The following EPHA3 variants were observed in gnomAD, a reference collection of about 807,000 sequenced individuals.
The protein encoded by EPHA3 is ephrin type-A receptor 3.
EPHA3 carries 42 observed loss-of-function variants against 107.1 expected under a neutral mutation model. The ratio of observed to expected loss-of-function variants is 0.39; its 90% CI spans 0.31 to 0.51. The LOEUF is 0.51. Among genes scored for constraint, EPHA3 ranks in the 20% least tolerant of loss-of-function variants. The pLI is 0.78. For missense variants in EPHA3, 1,183 were observed against 1,211.2 expected, an observed-to-expected ratio of 0.98 and a Z score of 0.35; for synonymous variants, 461 against 424.8, an observed-to-expected ratio of 1.09 and a Z score of -1.05.
chr3:89,408,314 T>A (rs575774484), intron 9 of EPHA3, among the ~76,000 whole-genome samples, 183 bp downstream of exon 9: 2 of 152,148 alleles, frequency 1.3e-5, no homozygotes, highest in Admixed American at 6.6e-5. Context: ...AAATAATTTT[T>A]ACATGTGTAC....
chr3:89,169,610 G>T (rs964363017), intron 2 of EPHA3, among the ~76,000 whole-genome samples: 1 of 152,124 alleles, frequency 6.6e-6, no homozygotes, highest in Non-Finnish European at 1.5e-5. Flanking sequence ...TGACCATACA[G>T]TGTTTTTGTG....
At chr3:89,204,872 G>T (rs1036627209) in intron 2 of EPHA3, among the ~76,000 whole-genome samples, 59 of 152,094 alleles carry the variant, frequency 3.9e-4, no homozygotes, top group Non-Finnish European at 7.6e-4. Context: ...AATAAAAAAC[G>T]TGAGTGGAGA....
chr3:89,178,497 T>A (rs182382029), intron 2 of EPHA3, among the ~76,000 whole-genome samples: 1 of 152,180 alleles, frequency 6.6e-6, no homozygotes, highest in Admixed American at 6.6e-5. Context: ...AAAGAAATTC[T>A]TGTTCTGAAT....
chr3:89,347,897 A>G (rs1576326331), intron 5 of EPHA3, among the ~76,000 whole-genome samples: 1 of 151,090 alleles, frequency 6.6e-6, no homozygotes, highest in East Asian at 1.9e-4. Flanking sequence ...CTTTGGCTCT[A>G]TTTATATGCT....
chr3:89,231,632 G>A (rs1432403534), intron 3 of EPHA3, among the ~76,000 whole-genome samples: 1 of 152,102 alleles, frequency 6.6e-6, no homozygotes, highest in Admixed American at 6.6e-5. Flanking sequence ...TAGGTTTGGG[G>A]CAGGGCCTGA....
At chr3:89,168,156 A>AT (rs1368398467) in intron 2 of EPHA3, among the ~76,000 whole-genome samples, 1 of 152,174 alleles carries the variant, frequency 6.6e-6, no homozygotes, top group Non-Finnish European at 1.5e-5. Context: ...CTTGAGGTAA[A>AT]TTATGCATAA....
intron 3 of EPHA3, among the ~76,000 whole-genome samples, chr3:89,275,905 C>A (rs1217940992): frequency 6.6e-6 from 1 of 151,974 alleles, no homozygotes. Flanking sequence ...GAATGCAATG[C>A]AATGCAATAC....
chr3:89,227,938 C>T (rs866152037), intron 3 of EPHA3, among the ~76,000 whole-genome samples: 22 of 151,872 alleles, frequency 1.4e-4, no homozygotes, highest in Middle Eastern at 3.2e-3. Flanking sequence ...GTTCCTTTCA[C>T]CAAGGTACAT....
At chr3:89,318,101 C>T (rs1706951600) in intron 3 of EPHA3, among the ~76,000 whole-genome samples, 1 of 151,772 alleles carries the variant, frequency 6.6e-6, no homozygotes, top group Non-Finnish European at 1.5e-5. Context: ...ACTTCCATGA[C>T]CCAGTCAGAT....
At chr3:89,151,872 C>T (rs1704697258) in intron 2 of EPHA3, among the ~76,000 whole-genome samples, 1 of 151,972 alleles carries the variant, frequency 6.6e-6, no homozygotes, top group Non-Finnish European at 1.5e-5. Flanking sequence ...ACCTGAAGCT[C>T]AAGTAAGAAA....
intron 15 of EPHA3, among the ~76,000 whole-genome samples, chr3:89,453,032 C>T (rs1232948282): frequency 6.6e-6 from 1 of 152,052 alleles, no homozygotes; most frequent in African/African-American, 2.4e-5. Context: ...CTACCCATAA[C>T]TTATTCCATA....
chr3:89,480,371 A>G lies in EPHA3; in HGVS notation c.*869A>G, dbSNP rs1576400881. ...CAAATCTCTCAAATCTGTTATCCCA[A>G]TCATTGTTGCCTCTCCGTTTATTAT... is the stretch of plus-strand genomic sequence containing the variant. On this transcript the variant is annotated 3_prime_UTR_variant, in exon 17 of 17. Coordinates refer to ENST00000336596, the MANE Select transcript of EPHA3 (RefSeq NM_005233.6). 4.3e-6 allele frequency: 1 copy of G among 233,224 alleles called. No homozygotes were observed. Among genetic ancestry groups the G allele is most frequent in the East Asian group, 6.1e-5 (1 of 16,456 alleles). The allele number at this position is 233,224 out of a possible 1,614,324, so 14.4% of individuals were successfully genotyped here.
chr3:89,217,957 A>ATT (rs1386831425), intron 3 of EPHA3, among the ~76,000 whole-genome samples: 4 of 152,106 alleles, frequency 2.6e-5, no homozygotes, highest in African/African-American at 9.7e-5. Context: ...GGAGAGGAAA[A>ATT]TTTGTATTTC....
intron 2 of EPHA3, among the ~76,000 whole-genome samples, chr3:89,154,274 T>G (rs6804206): frequency 0.94 from 139,919 of 148,342 alleles, 66,014 homozygotes; most frequent in Admixed American, 0.97. Flanking sequence ...TTGTTTGTTT[T>G]TTTTTTTTTT....
At chr3:89,374,892 G>T (rs976061455) in intron 5 of EPHA3, among the ~76,000 whole-genome samples, 6 of 151,652 alleles carry the variant, frequency 4.0e-5, no homozygotes, top group African/African-American at 2.4e-5. Context: ...TTGAAAAAAA[G>T]TAATGCCACT....
chr3:89,453,991 T>C (rs1710048897), intron 15 of EPHA3, among the ~76,000 whole-genome samples: 1 of 152,162 alleles, frequency 6.6e-6, no homozygotes, highest in Non-Finnish European at 1.5e-5. Context: ...TTTTTTTCTG[T>C]AGGATCATTG....
intron 2 of EPHA3, among the ~76,000 whole-genome samples, chr3:89,176,156 T>C (rs923767326): frequency 8.5e-5 from 13 of 152,158 alleles, no homozygotes; most frequent in African/African-American, 3.1e-4. Context: ...AGAAAGATTA[T>C]AGGTGTTGAA....
At chr3:89,424,071 G>T (rs1485470543) in intron 11 of EPHA3, among the ~76,000 whole-genome samples, 1 of 151,314 alleles carries the variant, frequency 6.6e-6, no homozygotes, top group African/African-American at 2.4e-5. Flanking sequence ...GTAATATCTT[G>T]ATACCAAACT....
At chr3:89,315,004 CTGATTAGTGT>C (rs1226385231) in intron 3 of EPHA3, among the ~76,000 whole-genome samples, 1 of 151,744 alleles carries the variant, frequency 6.6e-6, no homozygotes, top group Non-Finnish European at 1.5e-5. Context: ...TGTTATGGCA[CTGATTAGTGT>C]TAAGGAAATA....
Sources: gnomAD v4.1 joint callset for allele counts (sites outside exome capture counted in the v4.1 genomes callset) on GRCh38, gnomAD v4.1.1 for gene constraint, MANE v1.5 for transcripts, NCBI Gene and HGNC (gene_info 2026-07-23, HGNC 2026-07-21) for gene names.